SCG5: variants seen among roughly 807,000 people sequenced by gnomAD.
SCG5 encodes secretogranin V.
A neutral mutation model predicts 25.7 loss-of-function variants in SCG5; 18 were observed. That is an observed-to-expected ratio of 0.70 (90% confidence interval 0.48 to 1.04). SCG5 has a LOEUF of 1.04. Ranked by LOEUF, SCG5 falls within the 50% of genes least tolerant of loss-of-function variation. SCG5 has a pLI of 0.00. For missense variants in SCG5, 206 were observed against 259.8 expected, an observed-to-expected ratio of 0.79 and a Z score of 1.42; for synonymous variants, 101 against 91.7, an observed-to-expected ratio of 1.10 and a Z score of -0.58.
intron 2 of SCG5, among the ~76,000 whole-genome samples, chr15:32,678,286 A>G (rs187349714): frequency 6.6e-6 from 1 of 152,358 alleles, no homozygotes; most frequent in Non-Finnish European, 1.5e-5. Flanking sequence ...CAACATGGGA[A>G]AATATTTTCA....
chr15:32,695,815 G>A (rs1595826045), intron 5 of SCG5, among the ~76,000 whole-genome samples: 1 of 152,060 alleles, frequency 6.6e-6, no homozygotes, highest in African/African-American at 2.4e-5. Context: ...CCTAAATAGG[G>A]CCATAGAATA....
At chr15:32,659,822 G>A (rs1352134166) in intron 2 of SCG5, among the ~76,000 whole-genome samples, 2 of 151,960 alleles carry the variant, frequency 1.3e-5, no homozygotes, top group African/African-American at 2.4e-5. Context: ...TACCTAAGAC[G>A]CCTGGCTCCT....
chr15:32,692,211 G>T (rs760185445), intron 5 of SCG5: 5 of 999,068 alleles, frequency 5.0e-6, no homozygotes, highest in Middle Eastern at 5.0e-4. Context: ...GAAGGAATTC[G>T]GGAGCAAAAG....
intron 2 of SCG5, 77 bp downstream of exon 2, chr15:32,643,895 C>A: frequency 7.9e-7 from 1 of 1,262,962 alleles, no homozygotes; most frequent in South Asian, 1.3e-5. Context: ...TCACAACAAC[C>A]TTATAAGTAG....
intron 4 of SCG5, among the ~76,000 whole-genome samples, chr15:32,691,430 C>T (rs747105170): frequency 6.6e-6 from 1 of 152,106 alleles, no homozygotes. Context: ...TTTCCAGCAC[C>T]CTTCATGTTT....
At chr15:32,654,784 T>C (rs888869599) in intron 2 of SCG5, among the ~76,000 whole-genome samples, 3 of 152,162 alleles carry the variant, frequency 2.0e-5, no homozygotes. Context: ...GCCAGGCAAA[T>C]AACACCCACT....
At chr15:32,654,858 A>G (rs1304659469) in intron 2 of SCG5, among the ~76,000 whole-genome samples, 2 of 152,180 alleles carry the variant, frequency 1.3e-5, no homozygotes, top group Non-Finnish European at 2.9e-5. Flanking sequence ...CCTCTGAGAC[A>G]CCAGCAAGTG....
intron 2 of SCG5, among the ~76,000 whole-genome samples, chr15:32,652,642 A>C (rs889394667): frequency 1.3e-5 from 2 of 152,098 alleles, no homozygotes; most frequent in African/African-American, 2.4e-5. Flanking sequence ...AGAGCTTTGG[A>C]GGTTTTGGCC....
intron 2 of SCG5, among the ~76,000 whole-genome samples, chr15:32,678,663 C>A (rs1049648734): frequency 1.3e-5 from 2 of 152,046 alleles, no homozygotes; most frequent in African/African-American, 4.8e-5. Flanking sequence ...TGTTTTATAG[C>A]CTTTGACCTA....
intron 2 of SCG5, among the ~76,000 whole-genome samples, chr15:32,646,505 T>C (rs2140498035): frequency 6.6e-6 from 1 of 152,336 alleles, no homozygotes; most frequent in East Asian, 1.9e-4. Context: ...ATCTCTTTAG[T>C]CTTCTAATTA....
At chr15:32,666,913 C>T (rs1000227557) in intron 2 of SCG5, among the ~76,000 whole-genome samples, 2 of 152,254 alleles carry the variant, frequency 1.3e-5, no homozygotes, top group East Asian at 1.9e-4. Context: ...CTGCTCTGAC[C>T]GATTTGGTAT....
At chr15:32,694,610 G>A (rs924565735) in intron 5 of SCG5, among the ~76,000 whole-genome samples, 1 of 152,170 alleles carries the variant, frequency 6.6e-6, no homozygotes, top group Non-Finnish European at 1.5e-5. Context: ...ATCCCCTGGG[G>A]TAGGCCAAAC....
intron 2 of SCG5, among the ~76,000 whole-genome samples, chr15:32,658,381 T>G (rs369400539): frequency 7.9e-5 from 12 of 151,864 alleles, no homozygotes; most frequent in African/African-American, 2.9e-4. Context: ...ACATCACAGA[T>G]CAAACTTGAG....
chr15:32,677,084 CA>C (rs1208028401), intron 2 of SCG5, among the ~76,000 whole-genome samples: 1 of 151,916 alleles, frequency 6.6e-6, no homozygotes, highest in Non-Finnish European at 1.5e-5. Flanking sequence ...GGAAATTTTA[CA>C]AAAATAATAT....
intron 2 of SCG5, chr15:32,668,854 C>G (rs1207166060): frequency 6.6e-6 from 1 of 152,272 alleles, no homozygotes; most frequent in Non-Finnish European, 1.5e-5. Context: ...ATCTCCTTTA[C>G]TCGTTTCTTA....
chr15:32,685,473 A>G (rs201208799), intron 4 of SCG5, among the ~76,000 whole-genome samples: 129 of 152,340 alleles, frequency 8.5e-4, no homozygotes, highest in Admixed American at 2.5e-3. Context: ...GGGGCTTGTT[A>G]AAGAGTCCAT....
chr15:32,685,209 T>A (rs1459261783), intron 4 of SCG5, among the ~76,000 whole-genome samples: 1 of 152,196 alleles, frequency 6.6e-6, no homozygotes, highest in Non-Finnish European at 1.5e-5. Context: ...AGCTGTCAGT[T>A]AAGGGAGTTG....
intron 4 of SCG5, 70 bp downstream of exon 4, chr15:32,684,739 G>A: frequency 1.1e-6 from 1 of 901,780 alleles, no homozygotes; most frequent in Non-Finnish European, 1.8e-6. Context: ...GCAGGGATGA[G>A]CAATATGGGC....
At position 32,680,413 on chromosome 15, in the gene SCG5, T is replaced by A. The variant is rs554639825; in HGVS notation, c.376+498T>A. On this transcript the variant is annotated intron_variant, in intron 3 of 5. Transcript: ENST00000300175. ...CGGGGATTCAGCGTGTTAGCCAGGA[T>A]GGTCTCAATCTCCTGACCTCATGAT... 2.6e-5 allele frequency among the ~76,000 whole-genome samples: 4 copies of A among 152,140 alleles called. No individual in the cohort carries two copies. In the East Asian group the frequency reaches 7.7e-4, roughly 29 times the overall value.
Sources: gnomAD v4.1 joint callset for allele counts (sites outside exome capture counted in the v4.1 genomes callset) on GRCh38, gnomAD v4.1.1 for gene constraint, MANE v1.5 for transcripts, NCBI Gene and HGNC (gene_info 2026-07-23, HGNC 2026-07-21) for gene names.